The following CCDC192 variants were observed in gnomAD, a reference collection of about 807,000 sequenced individuals.
CCDC192 encodes coiled-coil domain-containing protein 192.
chr5:127,874,038 A>C (rs751371280), intron 5 of CCDC192, among the ~76,000 whole-genome samples: 2 of 152,216 alleles, frequency 1.3e-5, no homozygotes, highest in Non-Finnish European at 2.9e-5. Context: ...GAAGGTCTTC[A>C]TGACTTGGAG....
intron 2 of CCDC192, among the ~76,000 whole-genome samples, chr5:127,741,249 G>C (rs549595418): frequency 5.9e-5 from 9 of 152,116 alleles, no homozygotes; most frequent in African/African-American, 2.2e-4. Flanking sequence ...TTTTTGCAGA[G>C]ACGAGGTCTC....
In CCDC192 at chr5:127,797,754, TATATATATATATATATATATA is replaced by T. The variant is rs1561494076; in HGVS notation, c.355-351_355-331del. 9.1e-4 allele frequency among the ~76,000 whole-genome samples: 126 copies of T among 138,086 alleles called. 7 individuals are homozygous for T. Among genetic ancestry groups the T allele is most frequent in the South Asian group, 9.0e-3 (40 of 4,454 alleles). The allele number at this position is 138,086 out of a possible 152,430, so 90.6% of individuals were successfully genotyped here. On this transcript the variant is annotated intron_variant, in intron 4 of 6. Transcript: ENST00000514853. ...AGGTATATATATATATATATATATA[TATATATATATATATATATATA>T]TATTTATTTATTTATTTATTTGTAA...
At chr5:127,749,642 A>T (rs1173770639) in intron 2 of CCDC192, among the ~76,000 whole-genome samples, 1 of 152,010 alleles carries the variant, frequency 6.6e-6, no homozygotes, top group Non-Finnish European at 1.5e-5. Flanking sequence ...TGAGTTAGGG[A>T]GGATTCCCTC....
At chr5:127,767,343 G>C (rs1478722198) in intron 3 of CCDC192, among the ~76,000 whole-genome samples, 2 of 152,224 alleles carry the variant, frequency 1.3e-5, no homozygotes, top group African/African-American at 4.8e-5. Flanking sequence ...CGTGGGGAGA[G>C]ATCTTCGAGA....
chr5:127,810,674 G>T (rs1399173040), intron 5 of CCDC192, among the ~76,000 whole-genome samples: 4 of 152,138 alleles, frequency 2.6e-5, no homozygotes, highest in African/African-American at 7.2e-5. Flanking sequence ...AACATTACTG[G>T]TGCAGGAAGG....
chr5:127,744,585 T>A (rs980961389), intron 2 of CCDC192, among the ~76,000 whole-genome samples: 2 of 152,192 alleles, frequency 1.3e-5, no homozygotes, highest in Non-Finnish European at 2.9e-5. Flanking sequence ...AACCACACTT[T>A]TATTTAAAAA....
chr5:127,806,687 G>T (rs1389732900), intron 5 of CCDC192, among the ~76,000 whole-genome samples: 1 of 152,038 alleles, frequency 6.6e-6, no homozygotes, highest in East Asian at 1.9e-4. Flanking sequence ...ATGTAAGACA[G>T]TCTCAGCTCT....
intron 6 of CCDC192, among the ~76,000 whole-genome samples, chr5:127,891,464 C>T (rs1752729779): frequency 1.3e-5 from 2 of 151,284 alleles, no homozygotes; most frequent in Admixed American, 6.6e-5. Context: ...CACTTGTTTT[C>T]TCCTGATTGC....
At chr5:127,785,012 A>AGAC in intron 3 of CCDC192, 1 of 475,868 alleles carries the variant, frequency 2.1e-6, no homozygotes, top group East Asian at 5.6e-5. Context: ...TTCAACTTTA[A>AGAC]TAAAATCTGT....
intron 3 of CCDC192, among the ~76,000 whole-genome samples, chr5:127,769,384 T>C (rs748137351): frequency 2.6e-5 from 4 of 152,012 alleles, no homozygotes; most frequent in Non-Finnish European, 5.9e-5. Context: ...CAAATGACAA[T>C]ATCAAATAGG....
intron 3 of CCDC192, among the ~76,000 whole-genome samples, chr5:127,764,816 T>C (rs1195938138): frequency 6.6e-6 from 1 of 152,162 alleles, no homozygotes. Flanking sequence ...TTCCATGCCA[T>C]CCTGGGCCAC....
chr5:127,702,292 C>T (rs1750739762), upstream of CCDC192, among the ~76,000 whole-genome samples: 1 of 149,978 alleles, frequency 6.7e-6, no homozygotes, highest in Non-Finnish European at 1.5e-5. Flanking sequence ...AAATCCAAAG[C>T]ACAGAGAGGT....
intron 4 of CCDC192, 123 bp from the exon 5 acceptor site, chr5:127,797,983 C>T (rs753285175): frequency 3.3e-5 from 13 of 389,396 alleles, no homozygotes; most frequent in Non-Finnish European, 5.0e-5. Flanking sequence ...GTTTTCAAAA[C>T]GTAGCTGAAA....
chr5:127,746,847 A>G (rs1753777503), intron 2 of CCDC192, among the ~76,000 whole-genome samples: 1 of 152,126 alleles, frequency 6.6e-6, no homozygotes, highest in Non-Finnish European at 1.5e-5. Flanking sequence ...AATTCTGTTT[A>G]TATCAGAGGC....
intron 6 of CCDC192, among the ~76,000 whole-genome samples, chr5:127,919,427 G>A (rs1031893251): frequency 2.3e-5 from 3 of 129,248 alleles, no homozygotes; most frequent in South Asian, 2.3e-4. Flanking sequence ...CTGTGGATAC[G>A]AAAAAAAACT....
intron 3 of CCDC192, among the ~76,000 whole-genome samples, chr5:127,776,799 G>A (rs977603426): frequency 6.6e-6 from 1 of 152,222 alleles, no homozygotes; most frequent in Non-Finnish European, 1.5e-5. Context: ...TGGCTTCAGA[G>A]GGTGCAAGCT....
chr5:127,874,173 T>TG (rs1383393153), intron 5 of CCDC192, among the ~76,000 whole-genome samples: 1 of 152,192 alleles, frequency 6.6e-6, no homozygotes, highest in Non-Finnish European at 1.5e-5. Context: ...GCCTCTGTGT[T>TG]GTGGCTCACG....
intron 5 of CCDC192, among the ~76,000 whole-genome samples, chr5:127,852,149 A>G (rs1750824721): frequency 6.6e-6 from 1 of 152,186 alleles, no homozygotes; most frequent in Non-Finnish European, 1.5e-5. Flanking sequence ...TGCCTATCAC[A>G]CGTGCCTCCT....
intron 2 of CCDC192, among the ~76,000 whole-genome samples, chr5:127,747,361 G>GT (rs1316899086): frequency 6.6e-6 from 1 of 151,856 alleles, no homozygotes; most frequent in African/African-American, 2.4e-5. Context: ...GCGGTGTTTG[G>GT]TTTTTTGTCC....
Sources: allele counts gnomAD v4.1 joint callset (sites outside exome capture counted in the v4.1 genomes callset), GRCh38; gene constraint gnomAD v4.1.1; transcripts MANE v1.5; gene names NCBI Gene and HGNC (gene_info 2026-07-23, HGNC 2026-07-21).